Variants in SPZ1 observed in about 807,000 individuals in gnomAD.
The protein encoded by SPZ1 is spermatogenic leucine zipper 1, also known as spermatogenic leucine zipper protein 1.
For missense variants in SPZ1, 408 were observed against 486.2 expected, an observed-to-expected ratio of 0.84 and a Z score of 1.51; for synonymous variants, 160 against 167.6, an observed-to-expected ratio of 0.95 and a Z score of 0.35.
At position 80,321,719 on chromosome 5, in the gene SPZ1, T is replaced by C; in HGVS notation, c.*211T>C. The C allele has an allele frequency of 2.5e-6, 1 of 394,310 alleles. No individual in the cohort carries two copies. Among genetic ancestry groups the C allele is most frequent in the Non-Finnish European group, 4.6e-6 (1 of 215,122 alleles). The allele number at this position is 394,310 out of a possible 1,614,324, so 24.4% of individuals were successfully genotyped here. On this transcript the variant is annotated 3_prime_UTR_variant, in exon 1 of 1. Transcript: ENST00000296739. ...TAATGACCATTGTGTCTACATCAAGTTCATAACTTTTCACCTTTACAATCT... is the reference window on the plus strand; with the variant it reads ...TAATGACCATTGTGTCTACATCAAGCTCATAACTTTTCACCTTTACAATCT...
rs761186848 is a variant in SPZ1, at chr5:80,320,835, C to T, written c.620C>T (p.Ala207Val). 6.8e-6 allele frequency: 11 copies of T among 1,613,810 alleles called. No individual in the cohort carries two copies. In the African/African-American group the frequency reaches 1.3e-4, roughly 20 times the overall value. Residue 207 changes from alanine (A) to valine (V), a missense_variant, in exon 1 of 1, where the codon GCA (alanine) becomes GTA (valine). Ala to Val is a moderately conservative substitution (Grantham distance 64). Coordinates refer to ENST00000296739, the MANE Select transcript of SPZ1 (RefSeq NM_032567.4). ...QNSENTAQVF[A>V]RDLVNRLEEK... ...TCTGAGAACACCGCACAAGTTTTTGCAAGAGATTTGGTAAATCGTTTAGAA... is the reference window on the plus strand; with the variant it reads ...TCTGAGAACACCGCACAAGTTTTTGTAAGAGATTTGGTAAATCGTTTAGAA...
rs774164075 is a variant in SPZ1, at chr5:80,321,394, C to G, written c.1179C>G (p.Ser393=). The G allele has an allele frequency of 6.2e-7, 1 of 1,613,606 alleles. No homozygotes were observed. Among genetic ancestry groups the G allele is most frequent in the East Asian group, 2.2e-5 (1 of 44,868 alleles). The change falls in exon 1 of 1, where the codon TCC becomes TCG. Residue 393 remains serine, a synonymous_variant. Coordinates refer to ENST00000296739, the MANE Select transcript of SPZ1 (RefSeq NM_032567.4). ...GTACATTTTGGAAAAAAGACAGATCCTGTAGAAGCCTGGATGTTTGTCTTA... is the reference window on the plus strand; with the variant it reads ...GTACATTTTGGAAAAAAGACAGATCGTGTAGAAGCCTGGATGTTTGTCTTA... ...MKGTFWKKDR[S]CRSLDVCLNK...
downstream of SPZ1, chr5:80,321,415 T>TCTTA (rs745759990): frequency 3.1e-6 from 5 of 1,611,818 alleles, no homozygotes; most frequent in Non-Finnish European, 4.2e-6. Context: ...TGGATGTTTG[T>TCTTA]CTTAATAAGA....
rs1328417874 is a variant in SPZ1 at position 80,321,439 on chromosome 5, C to T, written c.1224C>T (p.Thr408=). 1.2e-6 allele frequency: 2 copies of T among 1,604,868 alleles called. No homozygotes were observed. The highest frequency in any genetic ancestry group is 3.5e-5 in the Admixed American group (2 of 57,328). The change falls in exon 1 of 1, where the codon ACC becomes ACT. Residue 408 remains threonine, a synonymous_variant. Transcript: ENST00000296739. Reference sequence around the variant, plus strand: ...GTCTTAATAAGAAAGCTTGCAATACCCAGTTCAATATTCATGTTGCAAGAA... The same window carrying T: ...GTCTTAATAAGAAAGCTTGCAATACTCAGTTCAATATTCATGTTGCAAGAA... ...DVCLNKKACN[T]QFNIHVARKA...
Position 80,320,407 on chromosome 5 carries a change from G to C in SPZ1, c.192G>C (p.Gln64His), listed in dbSNP as rs1170545583. The C allele has an allele frequency of 6.2e-7, 1 of 1,613,978 alleles. No homozygotes were observed. The highest frequency in any genetic ancestry group is 8.5e-7 in the Non-Finnish European group (1 of 1,180,014). The change falls in exon 1 of 1, where the codon CAG becomes CAC. Residue 64 changes from glutamine to histidine, a missense_variant. Physicochemically the swap from Gln to His is conservative, Grantham distance 24. Coordinates refer to ENST00000296739, the MANE Select transcript of SPZ1 (RefSeq NM_032567.4). ...KNSSHQVTEQ[Q>H]TAQKFNNLLK... ...GCAGCCATCAAGTTACAGAACAACAGACTGCACAGAAGTTTAACAATCTCT... is the reference window on the plus strand; with the variant it reads ...GCAGCCATCAAGTTACAGAACAACACACTGCACAGAAGTTTAACAATCTCT...
rs756716214 is a variant in SPZ1, at chr5:80,321,472, T to C, written c.1257T>C (p.Leu419=). 41 of 1,588,376 alleles carry C rather than the reference T, an allele frequency of 2.6e-5. No homozygotes were observed. Among genetic ancestry groups the C allele is most frequent in the Non-Finnish European group, 3.3e-5 (39 of 1,173,216 alleles). The change falls in exon 1 of 1, where the codon CTT becomes CTC. Residue 419 remains leucine, a synonymous_variant. Transcript: ENST00000296739. ...ATATTCATGTTGCAAGAAAAGCTCT[T>C]AGGGGAAAAATGAGGTCAGCTAGCA... is the stretch of plus-strand genomic sequence containing the variant. The part of the protein sequence containing the change: ...QFNIHVARKA[L]RGKMRSASSL...
At position 80,320,061 on chromosome 5, in the gene SPZ1, G is replaced by A; in HGVS notation, c.-155G>A. 6.4e-6 allele frequency: 4 copies of A among 625,212 alleles called. No homozygotes were observed. The highest frequency in any genetic ancestry group is 1.1e-5 in the Non-Finnish European group (4 of 366,814). 38.7% of individuals were successfully genotyped at this position (625,212 alleles called of 1,614,324 possible). A position where few individuals can be genotyped will look rare whatever the true frequency, so the allele number is the denominator to read the frequency against. On this transcript the variant is annotated 5_prime_UTR_variant, in exon 1 of 1. It removes an upstream start codon present in the reference 5' UTR. Transcript: ENST00000296739. ...TCCTCCCCACAAGGCTGTCTGAGAT[G>A]CCACCTTCCACCTAAACATCATCTC...
rs1460173670 is a variant in SPZ1 at position 80,321,128 on chromosome 5, G to C, written c.913G>C (p.Glu305Gln). ...AGTGTCGGCTAAGCATGAGCTGGAG[G>C]AACAGGTGAAGAAACTGAGCCATGA... is the stretch of plus-strand genomic sequence containing the variant. The part of the protein sequence containing the change: ...NEVSAKHELE[E>Q]QVKKLSHDTY... Residue 305 changes from glutamate to glutamine, a missense_variant, in exon 1 of 1, where the codon GAA becomes CAA. Transcript: ENST00000296739. 1 of 1,613,628 alleles carries C rather than the reference G, an allele frequency of 6.2e-7. No homozygotes were observed. The highest frequency in any genetic ancestry group is 2.2e-5 in the East Asian group (1 of 44,874).
In SPZ1 at chr5:80,320,605, T is replaced by C; in HGVS notation, c.390T>C (p.Ser130=). The C allele has an allele frequency of 1.2e-6, 2 of 1,613,776 alleles. No homozygotes were observed. Among genetic ancestry groups the C allele is most frequent in the Non-Finnish European group, 1.7e-6 (2 of 1,179,926 alleles). Residue 130 remains serine, a synonymous_variant, in exon 1 of 1, where the codon AGT becomes AGC. Coordinates refer to ENST00000296739, the MANE Select transcript of SPZ1 (RefSeq NM_032567.4). Reference sequence around the variant, plus strand: ...TGTTATCAACAAACCTGCCTGTTAGTTTAGCCCCAGAGAAAGAAGACAATG... The same window carrying C: ...TGTTATCAACAAACCTGCCTGTTAGCTTAGCCCCAGAGAAAGAAGACAATG... ...NEMLSTNLPV[S]LAPEKEDNEK...
chr5:80,320,896 G>T lies in SPZ1; in HGVS notation c.681G>T (p.Gln227His). ...TCCTTAACGAAACTCAACAAAGTCA[G>T]GAAAAAGCAAAAAACAGACTTAATG... ...KKVLNETQQS[Q>H]EKAKNRLNVQ... Residue 227 changes from glutamine (Q) to histidine (H), a missense_variant, in exon 1 of 1, where the codon CAG (glutamine) becomes CAT (histidine). By Grantham distance (24) the Gln-to-His change is conservative (BLOSUM62 0). Coordinates refer to ENST00000296739, the MANE Select transcript of SPZ1 (RefSeq NM_032567.4). 3.1e-6 allele frequency: 5 copies of T among 1,607,404 alleles called. No homozygotes were observed. The highest frequency in any genetic ancestry group is 4.2e-6 in the Non-Finnish European group (5 of 1,178,580).
Position 80,321,614 on chromosome 5 carries a change from T to C in SPZ1, c.*106T>C. 1 of 831,132 alleles carries C rather than the reference T, an allele frequency of 1.2e-6. No homozygotes were observed. Among genetic ancestry groups the C allele is most frequent in the Non-Finnish European group, 1.8e-6 (1 of 541,952 alleles). 51.5% of individuals were successfully genotyped at this position (831,132 alleles called of 1,614,324 possible). On this transcript the variant is annotated 3_prime_UTR_variant, in exon 1 of 1. Coordinates refer to ENST00000296739, the MANE Select transcript of SPZ1 (RefSeq NM_032567.4). ...TCAAACCTTGGGCAGATCTGCTGGT[T>C]CAACCAAGAAAGAGCTATAGAATAA...
Position 80,321,140 on chromosome 5 carries a change from A to G in SPZ1, c.925A>G (p.Lys309Glu). 6 of 1,613,894 alleles carry G rather than the reference A, an allele frequency of 3.7e-6. No homozygotes were observed. Among genetic ancestry groups the G allele is most frequent in the Non-Finnish European group, 5.1e-6 (6 of 1,179,994 alleles). The part of the protein sequence containing the change: ...AKHELEEQVK[K>E]LSHDTYSLQL... ...GCATGAGCTGGAGGAACAGGTGAAG[A>G]AACTGAGCCATGACACCTATTCATT... Residue 309 changes from lysine (K) to glutamate (E), a missense_variant, in exon 1 of 1, where the codon AAA becomes GAA. Coordinates refer to ENST00000296739, the MANE Select transcript of SPZ1 (RefSeq NM_032567.4).
chr5:80,320,219 G>A lies in SPZ1; in HGVS notation c.4G>A (p.Ala2Thr), dbSNP rs760784690. Residue 2 changes from alanine to threonine, a missense_variant, in exon 1 of 1, where the codon GCC (alanine) becomes ACC (threonine). Ala to Thr is a moderately conservative substitution (Grantham distance 58). Transcript: ENST00000296739. ...TTTCTGCTTTCCTTCTGTCCTGATG[G>A]CCAGCTCTGCTAAGTCAGCTGAGAT... M[A>T]SSAKSAEMPT... 6 of 1,605,618 alleles carry A rather than the reference G, an allele frequency of 3.7e-6. No homozygotes were observed. Among genetic ancestry groups the A allele is most frequent in the Non-Finnish European group, 5.1e-6 (6 of 1,176,558 alleles).
Position 80,321,539 on chromosome 5 carries a change from C to G in SPZ1, c.*31C>G. ...ACCAAAAGCAGATGAAAAGGTGAAT[C>G]CTTAAAAAACTACATCTGTTACCTC... On this transcript the variant is annotated 3_prime_UTR_variant, in exon 1 of 1. Coordinates refer to ENST00000296739, the MANE Select transcript of SPZ1 (RefSeq NM_032567.4). The G allele has an allele frequency of 6.7e-7, 1 of 1,492,586 alleles. No individual in the cohort carries two copies. 92.5% of individuals were successfully genotyped at this position (1,492,586 alleles called of 1,614,324 possible).
In SPZ1 at chr5:80,320,846, G is replaced by T. The variant is rs1363540260; in HGVS notation, c.631G>T (p.Val211Leu). The change falls in exon 1 of 1, where the codon GTA becomes TTA. Residue 211 changes from valine (V) to leucine (L), a missense_variant. Physicochemically the swap from Val to Leu is conservative, Grantham distance 32. Coordinates refer to ENST00000296739, the MANE Select transcript of SPZ1 (RefSeq NM_032567.4). ...NTAQVFARDL[V>L]NRLEEKKVLN... ...CGCACAAGTTTTTGCAAGAGATTTG[G>T]TAAATCGTTTAGAAGAAAAAAAAGT... The T allele has an allele frequency of 8.1e-6, 13 of 1,614,028 alleles. No individual in the cohort carries two copies. Among genetic ancestry groups the T allele is most frequent in the Non-Finnish European group, 1.1e-5 (13 of 1,180,012 alleles).
chr5:80,321,148 C>T lies in SPZ1; in HGVS notation c.933C>T (p.Ser311=), dbSNP rs1743546917. ...HELEEQVKKL[S]HDTYSLQLMA... ...TGGAGGAACAGGTGAAGAAACTGAG[C>T]CATGACACCTATTCATTGCAGTTGA... Residue 311 remains serine (S), a synonymous_variant, in exon 1 of 1, where the codon AGC becomes AGT. Coordinates refer to ENST00000296739, the MANE Select transcript of SPZ1 (RefSeq NM_032567.4). The T allele has an allele frequency of 1.2e-6, 2 of 1,613,846 alleles. No homozygotes were observed.
chr5:80,320,822 G>A lies in SPZ1; in HGVS notation c.607G>A (p.Ala203Thr), dbSNP rs201817970. 3.5e-4 allele frequency: 560 copies of A among 1,614,066 alleles called. 2 individuals carry two copies. The highest frequency in any genetic ancestry group is 2.3e-3 in the Middle Eastern group (14 of 6,062). ...IMENQNSENT[A>T]QVFARDLVNR... is the part of the protein sequence containing the mutation. ...GGAAAACCAGAACTCTGAGAACACC[G>A]CACAAGTTTTTGCAAGAGATTTGGT... Residue 203 changes from alanine (A) to threonine (T), a missense_variant, in exon 1 of 1, where the codon GCA becomes ACA. Transcript: ENST00000296739.
rs775842332 is a variant in SPZ1 at position 80,321,077 on chromosome 5, G to A, written c.862G>A (p.Gly288Ser). The A allele has an allele frequency of 2.6e-5, 42 of 1,613,060 alleles. No individual in the cohort carries two copies. The Middle Eastern group carries it at 4.9e-4, about 19-fold the overall frequency. The change falls in exon 1 of 1, where the codon GGT (glycine) becomes AGT (serine). Residue 288 changes from glycine (G) to serine (S), a missense_variant. Coordinates refer to ENST00000296739, the MANE Select transcript of SPZ1 (RefSeq NM_032567.4). Reference sequence around the variant, plus strand: ...TGAAACTCTTGGAAATAATGGAGTCGGTTTCCAAACCCAGCCAAATAATGA... The same window carrying A: ...TGAAACTCTTGGAAATAATGGAGTCAGTTTCCAAACCCAGCCAAATAATGA... ...ISETLGNNGV[G>S]FQTQPNNEVS...
Position 80,320,808 on chromosome 5 carries a change from A to C in SPZ1, c.593A>C (p.Asn198Thr). The stretch of plus-strand genomic sequence containing the variant: ...CAGCAGATGATAATGGAAAACCAGA[A>C]CTCTGAGAACACCGCACAAGTTTTT... ...KKQQMIMENQ[N>T]SENTAQVFAR... Residue 198 changes from asparagine to threonine, a missense_variant, in exon 1 of 1, where the codon AAC (asparagine) becomes ACC (threonine). Coordinates refer to ENST00000296739, the MANE Select transcript of SPZ1 (RefSeq NM_032567.4). 2 of 1,614,214 alleles carry C rather than the reference A, an allele frequency of 1.2e-6. No homozygotes were observed. Among genetic ancestry groups the C allele is most frequent in the South Asian group, 2.2e-5 (2 of 91,086 alleles).
Sources: allele counts gnomAD v4.1 joint callset, GRCh38; gene constraint gnomAD v4.1.1; transcripts MANE v1.5; gene names NCBI Gene and HGNC (gene_info 2026-07-23, HGNC 2026-07-21).